Variants in COMMD1 observed in about 807,000 individuals in gnomAD.
COMMD1 encodes copper metabolism domain containing 1.
COMMD1 carries 10 observed loss-of-function variants against 17.2 expected under a neutral mutation model. That is an observed-to-expected ratio of 0.58 (90% CI 0.36 to 0.99). COMMD1 has a LOEUF of 0.99. COMMD1 is among the 50% of genes least tolerant of loss of function. The pLI is 0.01. For synonymous variants in COMMD1, 97 were observed against 91.6 expected, an observed-to-expected ratio of 1.06 and a Z score of -0.34; for missense variants, 270 against 231.8, an observed-to-expected ratio of 1.17 and a Z score of -1.07.
chr2:61,956,741 GT>G (rs1268929105), intron 1 of COMMD1, among the ~76,000 whole-genome samples: 4 of 150,086 alleles, frequency 2.7e-5, no homozygotes, highest in African/African-American at 2.5e-5. Context: ...AAAGCGCATA[GT>G]TTTTTTTGTT....
At chr2:61,897,514 G>A (rs963737846) in intron 1 of COMMD1, among the ~76,000 whole-genome samples, 3 of 152,182 alleles carry the variant, frequency 2.0e-5, no homozygotes, top group Admixed American at 6.5e-5. Flanking sequence ...TTGGGAGGCC[G>A]AGGTGGGTGG....
chr2:61,893,951 T>A (rs1265607656), intron 1 of COMMD1, among the ~76,000 whole-genome samples: 1 of 152,072 alleles, frequency 6.6e-6, no homozygotes, highest in Non-Finnish European at 1.5e-5. Context: ...GTAGTCCCAC[T>A]ACTCACGAAG....
intron 2 of COMMD1, among the ~76,000 whole-genome samples, chr2:62,099,715 C>T (rs1382291562): frequency 6.6e-6 from 1 of 152,012 alleles, no homozygotes; most frequent in East Asian, 2.0e-4. Context: ...TTTCTCTCTT[C>T]AGAGGTCTGT....
intron 2 of COMMD1, among the ~76,000 whole-genome samples, chr2:62,010,532 A>T (rs1242976983): frequency 6.6e-6 from 1 of 152,184 alleles, no homozygotes; most frequent in Non-Finnish European, 1.5e-5. Flanking sequence ...TATTTATGAC[A>T]TACTGGAGAT....
chr2:61,922,528 C>T (rs1670226016), intron 1 of COMMD1, among the ~76,000 whole-genome samples: 1 of 152,122 alleles, frequency 6.6e-6, no homozygotes, highest in Non-Finnish European at 1.5e-5. Context: ...GTTGGCCAGG[C>T]TGGTCTCAAA....
intron 1 of COMMD1, 54 bp from the exon 2 acceptor site, chr2:62,000,647 T>C: frequency 6.5e-7 from 1 of 1,533,018 alleles, no homozygotes. Context: ...GAAGCTATCT[T>C]TTTCTAATTA....
chr2:61,989,693 A>G (rs969542757), intron 1 of COMMD1, among the ~76,000 whole-genome samples: 3 of 151,070 alleles, frequency 2.0e-5, no homozygotes, highest in African/African-American at 7.3e-5. Context: ...GAAACTCCCA[A>G]CCTCAAGTGA....
intron 1 of COMMD1, among the ~76,000 whole-genome samples, chr2:61,927,761 A>G (rs1254299585): frequency 6.6e-6 from 1 of 150,380 alleles, no homozygotes; most frequent in East Asian, 2.0e-4. Context: ...TTAGTCCAAA[A>G]CAGTGGCCTT....
chr2:62,117,484 C>G (rs1332584787), intron 2 of COMMD1, among the ~76,000 whole-genome samples: 6 of 152,200 alleles, frequency 3.9e-5, no homozygotes, highest in East Asian at 1.9e-4. Flanking sequence ...GTTAAGTGCT[C>G]AGGTCCTGAA....
At chr2:61,905,986 G>C (rs773047582) in intron 1 of COMMD1, 128 bp downstream of exon 1, 2 of 880,610 alleles carry the variant, frequency 2.3e-6, no homozygotes, top group Non-Finnish European at 3.7e-6. Context: ...CCTCCACTCC[G>C]TGGGCTCCAC....
At chr2:61,914,095 C>G (rs1669985849) in intron 1 of COMMD1, among the ~76,000 whole-genome samples, 1 of 151,770 alleles carries the variant, frequency 6.6e-6, no homozygotes, top group African/African-American at 2.4e-5. Context: ...TGGCGTGAAC[C>G]CAGGAGGCGG....
chr2:62,133,266 GCAGCTTAGCAA>G (rs1263472748), intron 2 of COMMD1, among the ~76,000 whole-genome samples: 2 of 151,888 alleles, frequency 1.3e-5, no homozygotes, highest in Non-Finnish European at 2.9e-5. Context: ...ACTCAGCTTA[GCAGCTTAGCAA>G]CAGCAAAACC....
At chr2:62,007,742 C>G (rs542361171) in intron 2 of COMMD1, among the ~76,000 whole-genome samples, 2 of 152,294 alleles carry the variant, frequency 1.3e-5, no homozygotes, top group South Asian at 2.1e-4. Context: ...TAAGTACACT[C>G]TATCATGTTC....
intron 2 of COMMD1, among the ~76,000 whole-genome samples, chr2:62,056,608 A>G (rs1014765146): frequency 6.6e-6 from 1 of 152,252 alleles, no homozygotes; most frequent in African/African-American, 2.4e-5. Flanking sequence ...AGTGAACATT[A>G]GGATTTCTGA....
At chr2:61,912,888 G>A (rs555491232) in intron 1 of COMMD1, among the ~76,000 whole-genome samples, 2 of 152,214 alleles carry the variant, frequency 1.3e-5, no homozygotes, top group African/African-American at 4.8e-5. Context: ...CCATCTGAAC[G>A]TTTACAGAAA....
chr2:62,001,296 C>T (rs1668933485), intron 2 of COMMD1, among the ~76,000 whole-genome samples: 1 of 152,092 alleles, frequency 6.6e-6, no homozygotes, highest in South Asian at 2.1e-4. Flanking sequence ...ATTTCCAAGG[C>T]AATGATAGAG....
intron 2 of COMMD1, chr2:62,084,794 T>C (rs530530338): frequency 2.6e-5 from 4 of 152,214 alleles, no homozygotes; most frequent in Non-Finnish European, 4.4e-5. Flanking sequence ...GGCCTACATC[T>C]AGATTAAACA....
At chr2:62,049,787 T>A (rs1025810313) in intron 2 of COMMD1, among the ~76,000 whole-genome samples, 1 of 152,162 alleles carries the variant, frequency 6.6e-6, no homozygotes, top group South Asian at 2.1e-4. Context: ...GAATTTATAT[T>A]CTGCTTTTGG....
At chr2:61,912,733 C>CAA (rs149353922) in intron 1 of COMMD1, among the ~76,000 whole-genome samples, 55 of 70,628 alleles carry the variant, frequency 7.8e-4, no homozygotes, top group African/African-American at 1.8e-3. Context: ...GACTCCATCT[C>CAA]AAAAAAAAAA....
Sources: allele counts gnomAD v4.1 joint callset (sites outside exome capture counted in the v4.1 genomes callset), GRCh38; gene constraint gnomAD v4.1.1; transcripts MANE v1.5; gene names NCBI Gene and HGNC (gene_info 2026-07-23, HGNC 2026-07-21).